PAPPA2: variants seen among roughly 807,000 people sequenced by gnomAD.
PAPPA2 encodes the protein pappalysin-2.
A neutral mutation model predicts 176.4 loss-of-function variants in PAPPA2; 86 were observed. The ratio of observed to expected loss-of-function variants is 0.49; its 90% CI spans 0.41 to 0.58. PAPPA2 has a LOEUF of 0.58. Ranked by LOEUF, PAPPA2 falls within the 20% of genes least tolerant of loss-of-function variation. The pLI is 0.00. For synonymous variants in PAPPA2, 809 were observed against 852.2 expected (o/e 0.95, Z 0.88); for missense variants, 2,073 against 2,256.9 (o/e 0.92, Z 1.65).
At chr1:176,541,731 C>G (rs1229683752) in intron 1 of PAPPA2, among the ~76,000 whole-genome samples, 3 of 152,114 alleles carry the variant, frequency 2.0e-5, no homozygotes, top group Non-Finnish European at 4.4e-5. Flanking sequence ...TATACATTCC[C>G]AAGAAGGCAG....
Position 176,602,125 on chromosome 1 carries a change from T to C in PAPPA2, c.1991+6530T>C, listed in dbSNP as rs192066152. 7.2e-5 allele frequency among the ~76,000 whole-genome samples: 11 copies of C among 152,306 alleles called. 1 individual carries two copies. The highest frequency in any genetic ancestry group is 3.3e-4 in the Admixed American group (5 of 15,300). On this transcript the variant is annotated intron_variant, in intron 3 of 22. Coordinates refer to ENST00000367662, the MANE Select transcript of PAPPA2 (RefSeq NM_020318.3). ...AAAATGGGGATACTGCATATTTGTTTTCTCTATATTTGTTTCTGAAGCCTG... is the reference window on the plus strand; with the variant it reads ...AAAATGGGGATACTGCATATTTGTTCTCTCTATATTTGTTTCTGAAGCCTG...
chr1:176,629,063 T>G (rs2102705545), intron 3 of PAPPA2, among the ~76,000 whole-genome samples: 1 of 152,290 alleles, frequency 6.6e-6, no homozygotes, highest in Middle Eastern at 3.4e-3. Flanking sequence ...AGAGAGACAT[T>G]TACTCCAATA....
chr1:176,761,854 G>T (rs1049803865), intron 14 of PAPPA2, among the ~76,000 whole-genome samples: 1 of 152,218 alleles, frequency 6.6e-6, no homozygotes, highest in African/African-American at 2.4e-5. Flanking sequence ...GCATTGTAAG[G>T]CTTCACTTCT....
intron 17 of PAPPA2, among the ~76,000 whole-genome samples, chr1:176,779,521 G>C (rs6671916): frequency 0.11 from 7,901 of 73,234 alleles, 430 homozygotes; most frequent in African/African-American, 0.26. Flanking sequence ...CACACACACA[G>C]AGAGAGAGAG....
chr1:176,813,006 C>T lies in PAPPA2; in HGVS notation c.5202+12874C>T, dbSNP rs1666223694. Among the ~76,000 whole-genome samples, 3 of 152,064 alleles carry T rather than the reference C, an allele frequency of 2.0e-5. No homozygotes were observed. The South Asian group carries it at 6.2e-4, about 32-fold the overall frequency. On this transcript the variant is annotated intron_variant, in intron 21 of 22. Coordinates refer to ENST00000367662, the MANE Select transcript of PAPPA2 (RefSeq NM_020318.3). ...CCCCATTCTGTTCATGTGTTCTCATCATTCAGCTCCCACTTATAAATGAGA... is the reference window on the plus strand; with the variant it reads ...CCCCATTCTGTTCATGTGTTCTCATTATTCAGCTCCCACTTATAAATGAGA...
At chr1:176,747,460 G>T (rs1662962732) in intron 14 of PAPPA2, among the ~76,000 whole-genome samples, 1 of 152,052 alleles carries the variant, frequency 6.6e-6, no homozygotes, top group South Asian at 2.1e-4. Flanking sequence ...AATAGAAAAA[G>T]AGAAGTTTTG....
chr1:176,492,808 A>G (rs985931089), intron 1 of PAPPA2, among the ~76,000 whole-genome samples: 3 of 152,232 alleles, frequency 2.0e-5, no homozygotes, highest in Non-Finnish European at 2.9e-5. Context: ...GCATAATCTA[A>G]TTTATCACTC....
intron 1 of PAPPA2, among the ~76,000 whole-genome samples, chr1:176,543,164 G>T (rs892119612): frequency 1.3e-5 from 2 of 152,098 alleles, no homozygotes; most frequent in Non-Finnish European, 2.9e-5. Context: ...CGTCGTCTTG[G>T]GGGTGGCACT....
chr1:176,815,087 A>C (rs759760387), intron 21 of PAPPA2, among the ~76,000 whole-genome samples: 1 of 151,976 alleles, frequency 6.6e-6, no homozygotes, highest in African/African-American at 2.4e-5. Flanking sequence ...CTTATTTTTT[A>C]AAGTATATAT....
chr1:176,581,858 TTTTG>T (rs1156642863), intron 2 of PAPPA2, among the ~76,000 whole-genome samples: 1 of 151,592 alleles, frequency 6.6e-6, no homozygotes, highest in East Asian at 1.9e-4. Flanking sequence ...TTTTTTAAAT[TTTTG>T]TTTATTTTTT....
chr1:176,752,726 A>C (rs1053769176), intron 14 of PAPPA2, among the ~76,000 whole-genome samples: 1 of 152,236 alleles, frequency 6.6e-6, no homozygotes, highest in Non-Finnish European at 1.5e-5. Flanking sequence ...TTAGTCATCC[A>C]AATGACACAA....
chr1:176,495,069 G>A (rs1647523150), intron 1 of PAPPA2, among the ~76,000 whole-genome samples: 1 of 152,102 alleles, frequency 6.6e-6, no homozygotes. Context: ...ACAGGGCCTG[G>A]GTCAGAAGAT....
chr1:176,694,827 A>G (rs920378392), intron 6 of PAPPA2, among the ~76,000 whole-genome samples: 2 of 152,242 alleles, frequency 1.3e-5, no homozygotes, highest in Non-Finnish European at 1.5e-5. Context: ...ATAAATCAGA[A>G]TAGAGCTTGG....
chr1:176,702,736 G>A lies in PAPPA2; in HGVS notation c.3365+1G>A. 1 of 1,601,316 alleles carries A rather than the reference G, an allele frequency of 6.2e-7. No individual in the cohort carries two copies. ...ATTGTGGAGATGGGAAGGTGTCAGA[G>A]TGAGTATTTTGTGTGTGTGTGTGTG... On this transcript the variant is annotated splice_donor_variant, in intron 9 of 22. Coordinates refer to ENST00000367662, the MANE Select transcript of PAPPA2 (RefSeq NM_020318.3). LOFTEE classifies it high-confidence loss of function.
intron 9 of PAPPA2, among the ~76,000 whole-genome samples, chr1:176,704,113 C>G (rs1427926597): frequency 6.6e-6 from 1 of 151,506 alleles, no homozygotes; most frequent in African/African-American, 2.4e-5. Flanking sequence ...GGTGCCATTT[C>G]TGCCTGGAGG....
intron 21 of PAPPA2, among the ~76,000 whole-genome samples, chr1:176,809,029 T>C (rs1666028850): frequency 6.6e-6 from 1 of 152,204 alleles, no homozygotes; most frequent in Admixed American, 6.5e-5. Flanking sequence ...TTAAACTTTA[T>C]ACAAGGTTAT....
intron 1 of PAPPA2, among the ~76,000 whole-genome samples, chr1:176,548,373 CG>C (rs1338437432): frequency 6.6e-6 from 1 of 152,018 alleles, no homozygotes; most frequent in African/African-American, 2.4e-5. Context: ...CTAGCAGTGG[CG>C]GAAGTGGGAC....
intron 3 of PAPPA2, among the ~76,000 whole-genome samples, chr1:176,619,294 A>T (rs1655449976): frequency 6.6e-6 from 1 of 152,180 alleles, no homozygotes. Flanking sequence ...AATCAATTTT[A>T]AAAAGAGATC....
At chr1:176,541,425 T>C (rs1334856165) in intron 1 of PAPPA2, among the ~76,000 whole-genome samples, 1 of 152,186 alleles carries the variant, frequency 6.6e-6, no homozygotes, top group Non-Finnish European at 1.5e-5. Flanking sequence ...TTTTGGAAAG[T>C]AGTAAGGGTA....
Sources: gnomAD v4.1 joint callset for allele counts (sites outside exome capture counted in the v4.1 genomes callset) on GRCh38, gnomAD v4.1.1 for gene constraint, MANE v1.5 for transcripts, NCBI Gene and HGNC (gene_info 2026-07-23, HGNC 2026-07-21) for gene names.